GSN: variants seen among roughly 807,000 people sequenced by gnomAD.
GSN encodes the protein gelsolin.
GSN carries 56 observed loss-of-function variants against 85.7 expected under a neutral mutation model. The observed-to-expected ratio is 0.65, with a 90% CI of 0.53 to 0.82. The LOEUF (loss-of-function observed/expected upper bound fraction) is 0.82. GSN is among the 40% of genes least tolerant of loss of function. GSN has a pLI of 0.00. For missense variants in GSN, 857 were observed against 979.8 expected (o/e 0.87, Z 1.67); for synonymous variants, 373 against 399.1 (o/e 0.93, Z 0.78).
chr9:121,283,829 T>A (rs933758322), intron 2 of GSN: 2 of 167,168 alleles, frequency 1.2e-5, no homozygotes, highest in Non-Finnish European at 2.9e-5. Context: ...GAAGATTAAT[T>A]CTTGCTGTGA....
intron 2 of GSN, among the ~76,000 whole-genome samples, chr9:121,300,870 A>G (rs1294838863): frequency 6.6e-6 from 1 of 152,032 alleles, no homozygotes; most frequent in Non-Finnish European, 1.5e-5. Flanking sequence ...ATGGGTACAG[A>G]GAGGAGAGGG....
At chr9:121,206,232 A>C (rs76633981), upstream of GSN, among the ~76,000 whole-genome samples, 170 of 152,332 alleles carry the variant, frequency 1.1e-3, no homozygotes, top group Non-Finnish European at 2.2e-3. Flanking sequence ...AGAAATGGTC[A>C]AAAAAGCTAG....
chr9:121,300,046 C>T, intron 2 of GSN: 1 of 1,593,340 alleles, frequency 6.3e-7, no homozygotes, highest in Middle Eastern at 1.7e-4. Context: ...GAGTAACTCT[C>T]TATTGTAAGT....
chr9:121,259,932 T>C (rs1005605022), intron 6 of GSN, among the ~76,000 whole-genome samples: 1 of 152,202 alleles, frequency 6.6e-6, no homozygotes, highest in Non-Finnish European at 1.5e-5. Flanking sequence ...TTAAACTGTT[T>C]AAAGGCTCCT....
At position 121,261,678 on chromosome 9, in the gene GSN, G is replaced by A. The variant is rs949172869; in HGVS notation, c.-340-3476G>A. Reference sequence around the variant, plus strand: ...ATCTTGCCATATGGCTTGGTCTCCCGTAACTCAGTGGATGTACCCTGTATC... The same window carrying A: ...ATCTTGCCATATGGCTTGGTCTCCCATAACTCAGTGGATGTACCCTGTATC... On this transcript the variant is annotated intron_variant, in intron 6 of 24. Transcript: ENST00000373823. This position sits in a 1 kb window ranked among gnomAD's most constrained non-coding sequence, Gnocchi z 4.1. Among the ~76,000 whole-genome samples, 4 of 152,102 alleles carry A rather than the reference G, an allele frequency of 2.6e-5. No homozygotes were observed. The highest frequency in any genetic ancestry group is 4.8e-5 in the African/African-American group (2 of 41,418).
intron 5 of GSN, among the ~76,000 whole-genome samples, chr9:121,240,515 TC>T (rs2054582869): frequency 6.6e-6 from 1 of 152,228 alleles, no homozygotes; most frequent in South Asian, 2.1e-4. Flanking sequence ...TTCCTGGACA[TC>T]TCTTTAGGGC....
chr9:121,311,048 T>C, intron 5 of GSN: 1 of 604,568 alleles, frequency 1.7e-6, no homozygotes, highest in Non-Finnish European at 3.0e-6. Flanking sequence ...ACTTGGACTT[T>C]GATTGACATA....
chr9:121,250,875 GTGTGT>G (rs2054813158), intron 6 of GSN, among the ~76,000 whole-genome samples: 6 of 25,782 alleles, frequency 2.3e-4, no homozygotes, highest in Admixed American at 2.2e-3. Flanking sequence ...TGCTTGGGGT[GTGTGT>G]GTGTGTGTGT....
intron 4 of GSN, among the ~76,000 whole-genome samples, chr9:121,307,932 G>A (rs1404874185): frequency 1.3e-5 from 2 of 152,214 alleles, no homozygotes; most frequent in Non-Finnish European, 2.9e-5. Context: ...CCAATCCCAG[G>A]CCTCACGGCC....
At chr9:121,255,741 C>A (rs935995669) in intron 6 of GSN, among the ~76,000 whole-genome samples, 1 of 152,070 alleles carries the variant, frequency 6.6e-6, no homozygotes, top group African/African-American at 2.4e-5. Flanking sequence ...TTTTGGTGAA[C>A]CTTTAGGTGA....
chr9:121,285,706 A>G lies in GSN; in HGVS notation c.-10+4144A>G, dbSNP rs7041508. Among the ~76,000 whole-genome samples, 441 of 152,176 alleles carry G rather than the reference A, an allele frequency of 2.9e-3. 3 individuals are homozygous for G. Among genetic ancestry groups the G allele is most frequent in the African/African-American group, 0.01 (424 of 41,504 alleles). Reference sequence around the variant, plus strand: ...TCTCCCTGCTCACATGTTTATTACAATTCTAATTTTTGAAATCCTGGTAAG... The same window carrying G: ...TCTCCCTGCTCACATGTTTATTACAGTTCTAATTTTTGAAATCCTGGTAAG... On this transcript the variant is annotated intron_variant, in intron 2 of 17. Transcript: ENST00000432226.
chr9:121,321,472 C>G, intron 11 of GSN, 71 bp downstream of exon 11: 2 of 1,514,586 alleles, frequency 1.3e-6, no homozygotes, highest in Non-Finnish European at 1.8e-6. Context: ...TGAAGACAAA[C>G]TGAGGGTGTG....
intron 4 of GSN, 141 bp downstream of exon 4, chr9:121,303,206 G>T (rs1344442364): frequency 5.0e-6 from 4 of 798,320 alleles, no homozygotes; most frequent in Admixed American, 4.0e-5. Flanking sequence ...CCAACATTGT[G>T]TTTAAATCCT....
chr9:121,269,857 C>T (rs908759095), intron 1 of GSN, among the ~76,000 whole-genome samples: 3 of 152,198 alleles, frequency 2.0e-5, no homozygotes, highest in Non-Finnish European at 4.4e-5. Context: ...CCCCGCATGG[C>T]ATTTCCTTCC....
At position 121,261,428 on chromosome 9, in the gene GSN, G is replaced by T. The variant is rs2055082486; in HGVS notation, c.-340-3726G>T. On this transcript the variant is annotated intron_variant, in intron 6 of 24. Transcript: ENST00000373823. This position sits in a 1 kb window ranked among gnomAD's most constrained non-coding sequence, Gnocchi z 4.1. ...GCATGCTCCCAGCCCCACATGAAAG[G>T]CAGTGGCTTTGGAGCAAAACCTGGG... Among the ~76,000 whole-genome samples, 1 of 152,242 alleles carries T rather than the reference G, an allele frequency of 6.6e-6. No homozygotes were observed. The highest frequency in any genetic ancestry group is 1.5e-5 in the Non-Finnish European group (1 of 68,038).
chr9:121,236,361 T>G (rs2054492426), intron 5 of GSN, among the ~76,000 whole-genome samples: 1 of 151,868 alleles, frequency 6.6e-6, no homozygotes, highest in African/African-American at 2.4e-5. Context: ...CTGGGACTAC[T>G]GATACACGCT....
chr9:121,280,178 G>C (rs912068559), intron 1 of GSN: 1 of 152,268 alleles, frequency 6.6e-6, no homozygotes, highest in African/African-American at 2.4e-5. Flanking sequence ...AAATTTTCCA[G>C]TGTGGGCAGG....
At chr9:121,214,933 C>T (rs768035410) in intron 4 of GSN, among the ~76,000 whole-genome samples, 2 of 152,174 alleles carry the variant, frequency 1.3e-5, no homozygotes, top group Non-Finnish European at 2.9e-5. Flanking sequence ...AATAAAAGTA[C>T]CATGAACTGG....
intron 6 of GSN, 49 bp from the exon 7 acceptor site, chr9:121,313,885 G>A: frequency 7.1e-7 from 1 of 1,405,480 alleles, no homozygotes. Flanking sequence ...CAGGAGCCTG[G>A]CCCCTCCCTC....
Sources: gnomAD v4.1 joint callset for allele counts (sites outside exome capture counted in the v4.1 genomes callset) on GRCh38, gnomAD v4.1.1 for gene constraint, Gnocchi (gnomAD v3.1) non-coding constraint, MANE v1.5 for transcripts, NCBI Gene and HGNC (gene_info 2026-07-23, HGNC 2026-07-21) for gene names.